The following PRKAB1 variants were observed in gnomAD, a reference collection of about 807,000 sequenced individuals.
The protein encoded by PRKAB1 is 5'-AMP-activated protein kinase subunit beta-1.
A neutral mutation model predicts 32.0 loss-of-function variants in PRKAB1; 18 were observed. That is an observed-to-expected ratio of 0.56 (90% CI 0.39 to 0.83). The LOEUF is 0.83. Among genes scored for constraint, PRKAB1 ranks in the 40% least tolerant of loss-of-function variants. The probability of loss-of-function intolerance (pLI) is 0.00; values close to 1 mark genes in which losing one functional copy is unlikely to be tolerated. For missense variants in PRKAB1, 263 were observed against 352.6 expected, an observed-to-expected ratio of 0.75 and a Z score of 2.03; for synonymous variants, 141 against 141.4, an observed-to-expected ratio of 1.00 and a Z score of 0.02.
Position 119,675,437 on chromosome 12 carries a change from T to G in PRKAB1, c.532+983T>G, listed in dbSNP as rs188517179. Reference sequence around the variant, plus strand: ...ATCTGGGTAATTAGTCTTTTAGAGATATCATCTAGTTTTTTTGCAGATAGT... The same window carrying G: ...ATCTGGGTAATTAGTCTTTTAGAGAGATCATCTAGTTTTTTTGCAGATAGT... On this transcript the variant is annotated intron_variant, in intron 4 of 6. Coordinates refer to ENST00000229328, the MANE Select transcript of PRKAB1 (RefSeq NM_006253.5). Among the ~76,000 whole-genome samples, 5 of 152,208 alleles carry G rather than the reference T, an allele frequency of 3.3e-5. No individual in the cohort carries two copies. In the East Asian group the frequency reaches 9.6e-4, roughly 29 times the overall value.
chr12:119,674,308 G>C lies in PRKAB1; in HGVS notation c.418-32G>C, dbSNP rs751308394. On this transcript the variant is annotated intron_variant, in intron 3 of 6. Transcript: ENST00000229328. The surrounding 1 kb of genome is among the most constrained non-coding windows in gnomAD (Gnocchi z 4.3). ...AAGAATAACTCCGCAGACCTTCCAC[G>C]TTATGATTTCTGCCTATCTGTCTCT... The C allele has an allele frequency of 6.6e-7, 1 of 1,525,340 alleles. No individual in the cohort carries two copies. Among genetic ancestry groups the C allele is most frequent in the Non-Finnish European group, 9.1e-7 (1 of 1,101,004 alleles). 94.5% of individuals were successfully genotyped at this position (1,525,340 alleles called of 1,614,324 possible). A position where few individuals can be genotyped will look rare whatever the true frequency, so the allele number is the denominator to read the frequency against.
chr12:119,671,362 G>A (rs568229525), intron 1 of PRKAB1: 1 of 254,624 alleles, frequency 3.9e-6, no homozygotes, highest in Non-Finnish European at 8.2e-6. Flanking sequence ...AACCTAGTCT[G>A]TTCTCATGCT....
intron 4 of PRKAB1, among the ~76,000 whole-genome samples, chr12:119,675,637 C>T (rs1434919829): frequency 1.3e-5 from 2 of 152,206 alleles, no homozygotes; most frequent in Non-Finnish European, 1.5e-5. Flanking sequence ...ACTTCTGTTT[C>T]GACACTTACT....
intron 1 of PRKAB1, among the ~76,000 whole-genome samples, chr12:119,672,089 A>C (rs775132819): frequency 6.6e-6 from 1 of 152,246 alleles, no homozygotes; most frequent in Non-Finnish European, 1.5e-5. Context: ...GTCAGACACT[A>C]TATAGAGCAC....
In PRKAB1 at chr12:119,679,198, C is replaced by G. The variant is rs1318405706; in HGVS notation, c.667-735C>G. ...CAGCAACTGGCTGAGCCAGCAGTCA[C>G]ATCAGGCTTGGCTGGTGCCAGATCC... On this transcript the variant is annotated intron_variant, in intron 5 of 6. Transcript: ENST00000229328. The surrounding 1 kb of genome is among the most constrained non-coding windows in gnomAD (Gnocchi z 4.1). The G allele has an allele frequency of 2.0e-5, 3 of 152,282 alleles. No homozygotes were observed. Among genetic ancestry groups the G allele is most frequent in the Admixed American group, 2.0e-4 (3 of 15,292 alleles). 9.4% of individuals were successfully genotyped at this position (152,282 alleles called of 1,614,324 possible).
chr12:119,676,392 C>T, intron 4 of PRKAB1, 145 bp from the exon 5 acceptor site: 1 of 1,084,386 alleles, frequency 9.2e-7, no homozygotes, highest in South Asian at 1.7e-5. Context: ...ATTCTGCACT[C>T]TTGGAACCAG....
rs1387974645 is a variant in PRKAB1 at position 119,680,009 on chromosome 12, C to T, written c.735+8C>T. The stretch of plus-strand genomic sequence containing the variant: ...TACGCGCTGTCTATCAAGGTAATGA[C>T]ATGTCTGTCCCCATGAGAGCTGTGT... On this transcript the variant is annotated splice_region_variant and intron_variant, in intron 6 of 6. Coordinates refer to ENST00000229328, the MANE Select transcript of PRKAB1 (RefSeq NM_006253.5). 24 of 1,610,274 alleles carry T rather than the reference C, an allele frequency of 1.5e-5. No individual in the cohort carries two copies. Among genetic ancestry groups the T allele is most frequent in the Non-Finnish European group, 1.7e-5 (20 of 1,176,534 alleles).
chr12:119,670,895 G>A (rs551214536), intron 1 of PRKAB1, among the ~76,000 whole-genome samples: 31 of 152,290 alleles, frequency 2.0e-4, no homozygotes, highest in African/African-American at 6.0e-4. Context: ...AGCTGAGGTC[G>A]GTATTTGAGA....
rs78908319 is a variant in PRKAB1 at position 119,673,661 on chromosome 12, A to G, written c.324-303A>G. The G allele has an allele frequency of 6.9e-3, 1,769 of 254,776 alleles. 35 individuals carry two copies. Among genetic ancestry groups the G allele is most frequent in the African/African-American group, 0.038 (1,690 of 45,036 alleles). The allele number at this position is 254,776 out of a possible 1,614,324, so 15.8% of individuals were successfully genotyped here. A position where few individuals can be genotyped will look rare whatever the true frequency, so the allele number is the denominator to read the frequency against. ...TGTGTTGTCATCCTCCTTGGCATCC[A>G]GGAGCCTTGCGAGCTTGAGACGCAC... On this transcript the variant is annotated intron_variant, in intron 2 of 6. Coordinates refer to ENST00000229328, the MANE Select transcript of PRKAB1 (RefSeq NM_006253.5).
chr12:119,679,992 G>C lies in PRKAB1; in HGVS notation c.726G>C (p.Leu242=), dbSNP rs1488475526. ...TCATGCTGAACCACCTATACGCGCT[G>C]TCTATCAAGGTAATGACATGTCTGT... ...NHVMLNHLYA[L]SIKDGVMVLS... is the part of the protein sequence containing the mutation. The change falls in exon 6 of 7, where the codon CTG becomes CTC. Residue 242 remains leucine (L), a synonymous_variant. Coordinates refer to ENST00000229328, the MANE Select transcript of PRKAB1 (RefSeq NM_006253.5). The surrounding 1 kb of genome is among the most constrained non-coding windows in gnomAD (Gnocchi z 4.1). 1 of 1,612,868 alleles carries C rather than the reference G, an allele frequency of 6.2e-7. No homozygotes were observed. The highest frequency in any genetic ancestry group is 8.5e-7 in the Non-Finnish European group (1 of 1,178,960).
At chr12:119,678,012 C>G (rs967027429) in intron 5 of PRKAB1, 1 of 152,206 alleles carries the variant, frequency 6.6e-6, no homozygotes, top group Non-Finnish European at 1.5e-5. Context: ...GATCCACCCG[C>G]CTCGGCCTCC....
intron 5 of PRKAB1, chr12:119,678,966 C>T (rs1432861771): frequency 2.0e-5 from 3 of 152,176 alleles, no homozygotes; most frequent in Non-Finnish European, 4.4e-5. Flanking sequence ...TTTACATGCC[C>T]ATCAGCAGTG....
intron 1 of PRKAB1, chr12:119,671,438 C>A: frequency 2.6e-6 from 1 of 385,028 alleles, no homozygotes. Flanking sequence ...CTCAGTTCCG[C>A]ATGGCTGGGG....
rs544379312 is a variant in PRKAB1, at chr12:119,668,168, C to T, written c.-77C>T. ...GCAGGCTCCTTGGGACCCGCGGTTCCGGGAGTCCCTTGCTCAGGGTCCCTT... is the reference window on the plus strand; with the variant it reads ...GCAGGCTCCTTGGGACCCGCGGTTCTGGGAGTCCCTTGCTCAGGGTCCCTT... On this transcript the variant is annotated 5_prime_UTR_variant, in exon 1 of 7. Transcript: ENST00000229328. The T allele has an allele frequency of 1.6e-5, 23 of 1,406,562 alleles. No homozygotes were observed. The highest frequency in any genetic ancestry group is 3.0e-5 in the African/African-American group (2 of 66,232). 87.1% of individuals were successfully genotyped at this position (1,406,562 alleles called of 1,614,324 possible).
rs1381684639 is a variant in PRKAB1 at position 119,668,200 on chromosome 12, A to G, written c.-45A>G. ...CCCTTGCTCAGGGTCCCTTTCCTGC[A>G]GTGAGGCGCCGTCCGCCTTCCCTGT... On this transcript the variant is annotated 5_prime_UTR_variant, in exon 1 of 7. Coordinates refer to ENST00000229328, the MANE Select transcript of PRKAB1 (RefSeq NM_006253.5). The G allele has an allele frequency of 2.0e-6, 3 of 1,520,150 alleles. No homozygotes were observed. The highest frequency in any genetic ancestry group is 4.9e-5 in the Admixed American group (2 of 40,654). 94.2% of individuals were successfully genotyped at this position (1,520,150 alleles called of 1,614,324 possible).
intron 1 of PRKAB1, among the ~76,000 whole-genome samples, chr12:119,668,608 T>A (rs1955359145): frequency 6.6e-6 from 1 of 152,220 alleles, no homozygotes; most frequent in African/African-American, 2.4e-5. Flanking sequence ...TATGAGAAAG[T>A]CACCCTGAGG....
intron 2 of PRKAB1, chr12:119,673,715 T>C (rs1196215758): frequency 2.7e-6 from 1 of 376,194 alleles, no homozygotes; most frequent in South Asian, 5.8e-5. Context: ...CTTTTAACAT[T>C]AGGGATGTGG....
rs993443816 is a variant in PRKAB1 at position 119,674,845 on chromosome 12, A to G, written c.532+391A>G. Among the ~76,000 whole-genome samples, 1 of 152,234 alleles carries G rather than the reference A, an allele frequency of 6.6e-6. No individual in the cohort carries two copies. Among genetic ancestry groups the G allele is most frequent in the African/African-American group, 2.4e-5 (1 of 41,454 alleles). ...GGTGCCTGAAGAATTTCAGCCTGAC[A>G]GGTGTAAATGGACACCTCAGTGACC... is the stretch of plus-strand genomic sequence containing the variant. On this transcript the variant is annotated intron_variant, in intron 4 of 6. Transcript: ENST00000229328. This position sits in a 1 kb window ranked among gnomAD's most constrained non-coding sequence, Gnocchi z 4.3.
Position 119,668,400 on chromosome 12 carries a change from C to G in PRKAB1, c.156C>G (p.Ile52Met). Residue 52 changes from isoleucine (I) to methionine (M), a missense_variant, in exon 1 of 7, where the codon ATC becomes ATG. Physicochemically the swap from Ile to Met is conservative, Grantham distance 10 (BLOSUM62 1). Transcript: ENST00000229328. ...CCGACCTCTTCCACTCCGAGGAAAT[C>G]AAGGTGCGAGCGGTGTGGAGGAACC... ...EDADLFHSEE[I>M]KAPEKEEFLA... is the part of the protein sequence containing the mutation. 1 of 1,612,568 alleles carries G rather than the reference C, an allele frequency of 6.2e-7. No homozygotes were observed. Among genetic ancestry groups the G allele is most frequent in the Non-Finnish European group, 8.5e-7 (1 of 1,179,330 alleles).
Sources: allele counts gnomAD v4.1 joint callset (sites outside exome capture counted in the v4.1 genomes callset), GRCh38; gene constraint gnomAD v4.1.1; non-coding constraint Gnocchi (gnomAD v3.1); transcripts MANE v1.5; gene names NCBI Gene and HGNC (gene_info 2026-07-23, HGNC 2026-07-21).